Variants in LRRN2 observed in about 807,000 individuals in gnomAD.
The protein encoded by LRRN2 is leucine-rich repeat neuronal protein 2.
Under a neutral mutation model 35.7 loss-of-function variants are expected in LRRN2, and 10 were observed. The ratio of observed to expected loss-of-function variants is 0.28; its 90% CI spans 0.17 to 0.47. The LOEUF (loss-of-function observed/expected upper bound fraction) is 0.47, where lower values mean the gene tolerates loss of function less well. Ranked by LOEUF, LRRN2 falls within the 20% of genes least tolerant of loss-of-function variation. LRRN2 has a pLI of 0.99. For synonymous variants in LRRN2, 391 were observed against 409.6 expected, an observed-to-expected ratio of 0.95 and a Z score of 0.55; for missense variants, 731 against 940.3, an observed-to-expected ratio of 0.78 and a Z score of 2.91.
intron 1 of LRRN2, among the ~76,000 whole-genome samples, chr1:204,643,564 T>G (rs1668031708): frequency 6.6e-6 from 1 of 152,050 alleles, no homozygotes; most frequent in Non-Finnish European, 1.5e-5. Context: ...AGGATGAGGT[T>G]GGGGTGCAGC....
intron 1 of LRRN2, among the ~76,000 whole-genome samples, chr1:204,634,114 A>C (rs985218690): frequency 6.6e-6 from 1 of 152,274 alleles, no homozygotes; most frequent in Non-Finnish European, 1.5e-5. Context: ...AAATTAAACT[A>C]ATTAAGAGCA....
chr1:204,618,017 A>G lies in LRRN2; in HGVS notation c.1976T>C (p.Val659Ala), dbSNP rs34771052. The change falls in exon 2 of 2, where the codon GTG (valine) becomes GCG (alanine). Residue 659 changes from valine (V) to alanine (A), a missense_variant. Around this residue, in one of 3 missense-constraint regions of LRRN2, gnomAD observed 229 missense variants for 258.4 expected, o/e 0.89. Coordinates refer to ENST00000367177, the MANE Select transcript of LRRN2 (RefSeq NM_201630.2). The part of the protein sequence containing the change: ...HLGTGQPRKG[V>A]GGRRPLPPAW... ...TGGAGGGAGAGGCCGCCTCCCACCC[A>G]CACCCTTCCTGGGTTGGCCTGTGCC... 6,880 of 1,612,400 alleles carry G rather than the reference A, an allele frequency of 4.3e-3. 22 individuals are homozygous for G. The highest frequency in any genetic ancestry group is 5.3e-3 in the Non-Finnish European group (6,210 of 1,179,360).
At chr1:204,680,352 C>T (rs893324902) in intron 1 of LRRN2, among the ~76,000 whole-genome samples, 4 of 152,202 alleles carry the variant, frequency 2.6e-5, no homozygotes, top group Non-Finnish European at 5.9e-5. Context: ...CCCAGGAACC[C>T]TCTGTCTGCA....
chr1:204,683,888 C>T (rs1298856994), intron 1 of LRRN2, among the ~76,000 whole-genome samples: 2 of 152,210 alleles, frequency 1.3e-5, no homozygotes, highest in Non-Finnish European at 2.9e-5. Flanking sequence ...TGGGTCAGGC[C>T]ACCCACATGT....
At chr1:204,662,518 C>G (rs1013882260) in intron 1 of LRRN2, among the ~76,000 whole-genome samples, 1 of 152,218 alleles carries the variant, frequency 6.6e-6, no homozygotes, top group Admixed American at 6.5e-5. Flanking sequence ...ACTCGAGTCC[C>G]ACGATCTTTT....
intron 1 of LRRN2, among the ~76,000 whole-genome samples, chr1:204,622,403 C>G (rs917827480): frequency 2.0e-5 from 3 of 152,202 alleles, no homozygotes; most frequent in African/African-American, 7.2e-5. Flanking sequence ...ACACAGCAAG[C>G]CTATTTACAT....
At chr1:204,675,926 A>C (rs1412754428) in intron 1 of LRRN2, among the ~76,000 whole-genome samples, 2 of 152,214 alleles carry the variant, frequency 1.3e-5, no homozygotes, top group African/African-American at 4.8e-5. Context: ...TCAGAGGTGA[A>C]TGTTGGCAGG....
Position 204,631,256 on chromosome 1 carries a change from C to CTATATATATA in LRRN2, c.-226-11048_-226-11039dup, listed in dbSNP as rs1162626713. ...CAAGAAGAGTGATACCTAGAGTGTTCTATATATATATATATATATATATAT... is the reference window on the plus strand; with the variant it reads ...CAAGAAGAGTGATACCTAGAGTGTTCTATATATATATATATATATATATATATATATATAT... On this transcript the variant is annotated intron_variant, in intron 1 of 1. Coordinates refer to ENST00000367177, the MANE Select transcript of LRRN2 (RefSeq NM_201630.2). Among the ~76,000 whole-genome samples the CTATATATATA allele has an allele frequency of 4.6e-3, 170 of 36,818 alleles. 9 individuals are homozygous for CTATATATATA. Among genetic ancestry groups the CTATATATATA allele is most frequent in the Non-Finnish European group, 5.2e-3 (103 of 19,676 alleles). 24.2% of individuals were successfully genotyped at this position (36,818 alleles called of 152,430 possible). A position where few individuals can be genotyped will look rare whatever the true frequency, so the allele number is the denominator to read the frequency against.
chr1:204,636,079 C>T (rs964779117), intron 1 of LRRN2, among the ~76,000 whole-genome samples: 4 of 152,164 alleles, frequency 2.6e-5, no homozygotes, highest in Non-Finnish European at 5.9e-5. Flanking sequence ...CATATGAATC[C>T]CCTGCTCGCT....
intron 1 of LRRN2, among the ~76,000 whole-genome samples, chr1:204,654,374 G>T (rs1668299652): frequency 6.6e-6 from 1 of 152,176 alleles, no homozygotes; most frequent in Admixed American, 6.5e-5. Flanking sequence ...AAATCAGAAG[G>T]CTTGGGTTTG....
intron 1 of LRRN2, among the ~76,000 whole-genome samples, chr1:204,684,854 G>A (rs1558426847): frequency 6.6e-6 from 1 of 152,198 alleles, no homozygotes; most frequent in Non-Finnish European, 1.5e-5. Context: ...CTCCAAGGAG[G>A]AGAAAGTCCC....
Position 204,617,874 on chromosome 1 carries a change from G to T in LRRN2, c.2119C>A (p.Pro707Thr). The T allele has an allele frequency of 1.2e-6, 2 of 1,614,018 alleles. No homozygotes were observed. The highest frequency in any genetic ancestry group is 4.5e-5 in the East Asian group (2 of 44,882). Residue 707 changes from proline (P) to threonine (T), a missense_variant, in exon 2 of 2, where the codon CCA (proline) becomes ACA (threonine). Physicochemically the swap from Pro to Thr is conservative, Grantham distance 38 (BLOSUM62 -1). Around this residue, in one of 3 missense-constraint regions of LRRN2, gnomAD observed 229 missense variants for 258.4 expected, o/e 0.89. Coordinates refer to ENST00000367177, the MANE Select transcript of LRRN2 (RefSeq NM_201630.2). ...PRSSEGETLL[P>T]PLSQNS The stretch of plus-strand genomic sequence containing the variant: ...CTTCAAGAATTTTGAGACAATGGTG[G>T]CAACAGTGTCTCCCCTTCTGAGGAT...
intron 1 of LRRN2, among the ~76,000 whole-genome samples, chr1:204,660,579 A>ACTCTCT (rs112179063): frequency 6.3e-5 from 6 of 95,120 alleles, no homozygotes; most frequent in East Asian, 4.9e-4. Context: ...ACACACACAC[A>ACTCTCT]CTCTCTCTCT....
intron 1 of LRRN2, among the ~76,000 whole-genome samples, chr1:204,668,645 T>G (rs1668640041): frequency 6.6e-6 from 1 of 152,110 alleles, no homozygotes; most frequent in African/African-American, 2.4e-5. Context: ...GTCTAGCTCT[T>G]CACTGATCAG....
chr1:204,658,382 G>C (rs962649187), intron 1 of LRRN2, among the ~76,000 whole-genome samples: 8 of 152,212 alleles, frequency 5.3e-5, no homozygotes, highest in Non-Finnish European at 7.3e-5. Context: ...TTTAGACCCA[G>C]CTGGAAGAAA....
At chr1:204,654,166 T>G (rs1309204443) in intron 1 of LRRN2, among the ~76,000 whole-genome samples, 1 of 152,146 alleles carries the variant, frequency 6.6e-6, no homozygotes, top group African/African-American at 2.4e-5. Context: ...AGATTGTCCT[T>G]GAAGCCATAC....
At chr1:204,641,327 T>A (rs930788642) in intron 1 of LRRN2, among the ~76,000 whole-genome samples, 1 of 152,226 alleles carries the variant, frequency 6.6e-6, no homozygotes, top group Admixed American at 6.5e-5. Flanking sequence ...AATACACACA[T>A]GTAGTTTACT....
At chr1:204,659,609 GGTGT>G (rs113175099) in intron 1 of LRRN2, among the ~76,000 whole-genome samples, 10,443 of 147,916 alleles carry the variant, frequency 0.071, 921 homozygotes, top group East Asian at 0.21. Context: ...TCTACCTTCA[GGTGT>G]GTGTGTGTGT....
chr1:204,681,288 C>T (rs1668943493), intron 1 of LRRN2, among the ~76,000 whole-genome samples: 1 of 152,150 alleles, frequency 6.6e-6, no homozygotes, highest in South Asian at 2.1e-4. Context: ...TATAGTCCAA[C>T]ACTTGTTTCA....
Sources: allele counts gnomAD v4.1 joint callset (sites outside exome capture counted in the v4.1 genomes callset), GRCh38; gene constraint gnomAD v4.1.1; regional missense constraint gnomAD v4.1.1; transcripts MANE v1.5; gene names NCBI Gene and HGNC (gene_info 2026-07-23, HGNC 2026-07-21).